Variants in YTHDF3 observed in about 807,000 individuals in gnomAD.
YTHDF3 encodes YTH domain-containing family protein 3.
In YTHDF3, 9 loss-of-function variants were observed where a neutral mutation model predicts 52.5. That is an observed-to-expected ratio of 0.17 (90% CI 0.10 to 0.30). The LOEUF is 0.30. Ranked by LOEUF, YTHDF3 falls within the 10% of genes least tolerant of loss-of-function variation. YTHDF3 has a pLI of 1.00. For missense variants in YTHDF3, 534 were observed against 715.0 expected, an observed-to-expected ratio of 0.75 and a Z score of 2.89; for synonymous variants, 274 against 243.3, an observed-to-expected ratio of 1.13 and a Z score of -1.18.
At chr8:63,180,984 G>A (rs1325737137) in intron 3 of YTHDF3, among the ~76,000 whole-genome samples, 1 of 152,172 alleles carries the variant, frequency 6.6e-6, no homozygotes, top group Non-Finnish European at 1.5e-5. Flanking sequence ...GAGGGAGAGG[G>A]TCCTTCATTT....
chr8:63,169,086 C>T, intron 1 of YTHDF3, 185 bp downstream of exon 1: 3 of 1,377,670 alleles, frequency 2.2e-6, no homozygotes, highest in Middle Eastern at 2.7e-4. Flanking sequence ...TGCGGGCGGG[C>T]GGGCGCGGTG....
chr8:63,186,085 AT>A, intron 3 of YTHDF3, 61 bp from the exon 4 acceptor site: 1 of 1,452,394 alleles, frequency 6.9e-7, no homozygotes, highest in South Asian at 1.4e-5. Flanking sequence ...AATCTTTCAG[AT>A]TTCTTTTTTT....
At chr8:63,172,563 A>G (rs1324614649) in intron 2 of YTHDF3, 1 of 393,274 alleles carries the variant, frequency 2.5e-6, no homozygotes, top group African/African-American at 2.1e-5. Flanking sequence ...AAAGCACTTT[A>G]CTATCATTAT....
intron 2 of YTHDF3, among the ~76,000 whole-genome samples, chr8:63,171,274 A>G (rs1563390480): frequency 6.6e-6 from 1 of 152,140 alleles, no homozygotes; most frequent in Non-Finnish European, 1.5e-5. Context: ...TCCCCTCTAT[A>G]AAATAAAAAT....
Position 63,168,725 on chromosome 8 carries a change from A to G in YTHDF3, c.-153A>G, listed in dbSNP as rs955219228. On this transcript the variant is annotated 5_prime_UTR_variant, in exon 1 of 5. Coordinates refer to ENST00000539294, the MANE Select transcript of YTHDF3 (RefSeq NM_152758.6). Reference sequence around the variant, plus strand: ...GACGGGCCTCTTCCTCCGACTCCCGAGCGCGAGGCCCTCATTTTGGGTTCT... The same window carrying G: ...GACGGGCCTCTTCCTCCGACTCCCGGGCGCGAGGCCCTCATTTTGGGTTCT... 2 of 1,468,952 alleles carry G rather than the reference A, an allele frequency of 1.4e-6. No individual in the cohort carries two copies. The highest frequency in any genetic ancestry group is 2.8e-5 in the African/African-American group (2 of 70,850). 91.0% of individuals were successfully genotyped at this position (1,468,952 alleles called of 1,614,324 possible). A position where few individuals can be genotyped will look rare whatever the true frequency, so the allele number is the denominator to read the frequency against.
At chr8:63,169,712 T>C (rs774048806) in intron 2 of YTHDF3, among the ~76,000 whole-genome samples, 6 of 152,254 alleles carry the variant, frequency 3.9e-5, no homozygotes, top group African/African-American at 1.2e-4. Context: ...ATGTAACTTA[T>C]GCCACAAAAA....
chr8:63,202,777 T>C (rs1809725755), intron 4 of YTHDF3, among the ~76,000 whole-genome samples: 1 of 152,108 alleles, frequency 6.6e-6, no homozygotes, highest in Admixed American at 6.5e-5. Flanking sequence ...TTCTACTCTT[T>C]AGCATGAATT....
chr8:63,168,767 C>T lies in YTHDF3; in HGVS notation c.-111C>T. On this transcript the variant is annotated 5_prime_UTR_variant, in exon 1 of 5. Transcript: ENST00000539294. ...TTGGGTTCTCAGCGAACGGCGGCAG[C>T]GGCGGCGGCTGGAACAATCACTCGG... 1.3e-6 allele frequency: 2 copies of T among 1,543,728 alleles called. No homozygotes were observed. Among genetic ancestry groups the T allele is most frequent in the Admixed American group, 2.0e-5 (1 of 50,724 alleles).
intron 4 of YTHDF3, among the ~76,000 whole-genome samples, chr8:63,191,553 T>A (rs150888837): frequency 6.6e-6 from 1 of 152,214 alleles, no homozygotes; most frequent in Non-Finnish European, 1.5e-5. Context: ...TTAAAACTTA[T>A]GTCTGCTTTC....
chr8:63,193,705 A>C (rs1261511393), intron 4 of YTHDF3, among the ~76,000 whole-genome samples: 2 of 152,178 alleles, frequency 1.3e-5, no homozygotes, highest in African/African-American at 4.8e-5. Context: ...TAATGAGAGG[A>C]AAAACATGTA....
intron 2 of YTHDF3, chr8:63,172,564 C>T (rs1394079906): frequency 2.5e-6 from 1 of 392,592 alleles, no homozygotes; most frequent in African/African-American, 2.1e-5. Context: ...AAGCACTTTA[C>T]TATCATTATT....
chr8:63,184,313 T>C (rs1050127173), intron 3 of YTHDF3, among the ~76,000 whole-genome samples: 1 of 152,126 alleles, frequency 6.6e-6, no homozygotes, highest in Non-Finnish European at 1.5e-5. Flanking sequence ...GAGAGTTGAG[T>C]TTTTTGGTTT....
intron 3 of YTHDF3, 80 bp downstream of exon 3, chr8:63,175,496 T>G: frequency 8.8e-7 from 1 of 1,134,226 alleles, no homozygotes; most frequent in Non-Finnish European, 1.3e-6. Flanking sequence ...GATTATTTAA[T>G]GAGATTAACC....
At chr8:63,193,771 G>A (rs1165688295) in intron 4 of YTHDF3, among the ~76,000 whole-genome samples, 1 of 152,148 alleles carries the variant, frequency 6.6e-6, no homozygotes, top group Non-Finnish European at 1.5e-5. Flanking sequence ...CAGGACTACA[G>A]TGAGAATATT....
chr8:63,196,039 C>T (rs1180971069), intron 4 of YTHDF3, among the ~76,000 whole-genome samples: 2 of 151,970 alleles, frequency 1.3e-5, no homozygotes, highest in African/African-American at 2.4e-5. Context: ...GAGCTCTGCC[C>T]GCCTCAGCCT....
intron 4 of YTHDF3, among the ~76,000 whole-genome samples, chr8:63,206,834 G>A (rs1021144988): frequency 3.3e-5 from 5 of 151,778 alleles, no homozygotes; most frequent in Middle Eastern, 3.4e-3. Flanking sequence ...TGTTAGAACC[G>A]TGTTTTAGAA....
intron 2 of YTHDF3, among the ~76,000 whole-genome samples, chr8:63,171,955 C>T (rs1341974127): frequency 6.6e-6 from 1 of 152,146 alleles, no homozygotes; most frequent in Non-Finnish European, 1.5e-5. Flanking sequence ...TCCTTAATTA[C>T]TTAATTCATT....
At chr8:63,199,832 C>G (rs975822505) in intron 4 of YTHDF3, among the ~76,000 whole-genome samples, 3 of 151,960 alleles carry the variant, frequency 2.0e-5, no homozygotes, top group African/African-American at 7.3e-5. Flanking sequence ...TACATGAATA[C>G]TGTTGAAGTT....
rs531057478 is a variant in YTHDF3 at position 63,200,724 on chromosome 8, T to A, written c.1735-8959T>A. Among the ~76,000 whole-genome samples the A allele has an allele frequency of 3.3e-5, 5 of 152,308 alleles. No homozygotes were observed. The East Asian group carries it at 7.7e-4, about 23-fold the overall frequency. On this transcript the variant is annotated intron_variant, in intron 4 of 4. Coordinates refer to ENST00000539294, the MANE Select transcript of YTHDF3 (RefSeq NM_152758.6). ...AAATTTTTATTTGTAAACTGAAAAATTAGATTAAAGCCTTATTCAATTTAA... is the reference window on the plus strand; with the variant it reads ...AAATTTTTATTTGTAAACTGAAAAAATAGATTAAAGCCTTATTCAATTTAA...
Sources: gnomAD v4.1 joint callset for allele counts (sites outside exome capture counted in the v4.1 genomes callset) on GRCh38, gnomAD v4.1.1 for gene constraint, MANE v1.5 for transcripts, NCBI Gene and HGNC (gene_info 2026-07-23, HGNC 2026-07-21) for gene names.